The following FAT4 variants were observed in gnomAD, a reference collection of about 807,000 sequenced individuals.
FAT4 encodes protocadherin Fat 4.
A neutral mutation model predicts 303.9 loss-of-function variants in FAT4; 84 were observed. That is an observed-to-expected ratio of 0.28 (90% confidence interval 0.23 to 0.33). The LOEUF (loss-of-function observed/expected upper bound fraction) is 0.33. FAT4 is among the 10% of genes least tolerant of loss of function. The probability of loss-of-function intolerance (pLI) is 1.00; values close to 1 mark genes in which losing one functional copy is unlikely to be tolerated. For missense variants in FAT4, 6,005 were observed against 6,146.8 expected (o/e 0.98, Z 0.77); for synonymous variants, 2,307 against 2,298.8 (o/e 1.00, Z -0.10).
Position 125,452,659 on chromosome 4 carries a change from G to C in FAT4, c.11649G>C (p.Val3883=). 6.2e-7 allele frequency: 1 copy of C among 1,614,076 alleles called. No individual in the cohort carries two copies. Among genetic ancestry groups the C allele is most frequent in the Non-Finnish European group, 8.5e-7 (1 of 1,180,004 alleles). ...CHSGGTCHNL[V]GGFSCSCPDG... Reference sequence around the variant, plus strand: ...GTGGTGGAACCTGTCACAATTTAGTGGGAGGATTTTCATGCAGCTGCCCAG... The same window carrying C: ...GTGGTGGAACCTGTCACAATTTAGTCGGAGGATTTTCATGCAGCTGCCCAG... Residue 3883 remains valine (V), a synonymous_variant, in exon 10 of 18, where the codon GTG becomes GTC. Transcript: ENST00000394329.
chr4:125,489,215 T>C (rs1335416436), intron 17 of FAT4, among the ~76,000 whole-genome samples: 1 of 152,214 alleles, frequency 6.6e-6, no homozygotes, highest in Non-Finnish European at 1.5e-5. Flanking sequence ...GAGATAGGAA[T>C]ATCAGCACTG....
At chr4:125,357,408 G>T (rs1369521525) in intron 2 of FAT4, among the ~76,000 whole-genome samples, 1 of 152,078 alleles carries the variant, frequency 6.6e-6, no homozygotes, top group African/African-American at 2.4e-5. Context: ...TAAGATTTGG[G>T]ATAGATTTAT....
intron 2 of FAT4, among the ~76,000 whole-genome samples, chr4:125,346,147 A>G (rs932294728): frequency 2.6e-4 from 39 of 152,076 alleles, no homozygotes; most frequent in Admixed American, 2.5e-3. Context: ...TGATGTTTCT[A>G]TGGTCACGGT....
Position 125,316,426 on chromosome 4 carries a change from A to C in FAT4, c.15A>C (p.Pro5=). The change falls in exon 2 of 18, where the codon CCA becomes CCC. Residue 5 remains proline, a synonymous_variant. Transcript: ENST00000394329. The surrounding 1 kb of genome is among the most constrained non-coding windows in gnomAD (Gnocchi z 5.7). MDLA[P]DRATGRPWLP... ...GAGCCAGGACCATGGACTTAGCACC[A>C]GACAGGGCTACTGGCCGCCCGTGGC... The C allele has an allele frequency of 6.2e-7, 1 of 1,611,320 alleles. No homozygotes were observed. The highest frequency in any genetic ancestry group is 8.5e-7 in the Non-Finnish European group (1 of 1,178,270).
chr4:125,398,643 G>A (rs1041538860), intron 2 of FAT4, 141 bp from the exon 3 acceptor site: 5 of 741,884 alleles, frequency 6.7e-6, no homozygotes, highest in African/African-American at 3.5e-5. Flanking sequence ...CCTAGGGGTA[G>A]TTTCTGTTGT....
intron 5 of FAT4, among the ~76,000 whole-genome samples, chr4:125,411,896 T>C (rs2126024142): frequency 6.6e-6 from 1 of 151,400 alleles, no homozygotes; most frequent in African/African-American, 2.4e-5. Context: ...AAACCATATG[T>C]ATGCAATAAA....
At chr4:125,457,644 T>C (rs1055783526) in intron 10 of FAT4, among the ~76,000 whole-genome samples, 1 of 152,020 alleles carries the variant, frequency 6.6e-6, no homozygotes, top group Non-Finnish European at 1.5e-5. Context: ...AATATCACCA[T>C]ATGAAGCTTT....
At chr4:125,459,133 T>A (rs1283018467) in intron 10 of FAT4, among the ~76,000 whole-genome samples, 1 of 151,940 alleles carries the variant, frequency 6.6e-6, no homozygotes. Flanking sequence ...AAAATAATAT[T>A]TATGGTAGTC....
At chr4:125,344,683 CACCCTGATGAAAAA>C (rs765186558) in intron 2 of FAT4, among the ~76,000 whole-genome samples, 72 of 152,122 alleles carry the variant, frequency 4.7e-4, no homozygotes, top group Non-Finnish European at 7.9e-4. Flanking sequence ...TGGTCAAGAA[CACCCTGATGAAAAA>C]AATCTTTGGT....
chr4:125,359,503 A>T (rs1732568965), intron 2 of FAT4, among the ~76,000 whole-genome samples: 1 of 152,206 alleles, frequency 6.6e-6, no homozygotes, highest in East Asian at 1.9e-4. Context: ...GCTGTGATTT[A>T]TAATACTGTT....
At position 125,491,580 on chromosome 4, in the gene FAT4, A is replaced by C. The variant is rs767274118; in HGVS notation, c.14764A>C (p.Lys4922Gln). 1.9e-6 allele frequency: 3 copies of C among 1,614,068 alleles called. No individual in the cohort carries two copies. The highest frequency in any genetic ancestry group is 2.2e-5 in the South Asian group (2 of 91,090). Residue 4922 changes from lysine to glutamine, a missense_variant, in exon 18 of 18, where the codon AAG becomes CAG. Coordinates refer to ENST00000394329, the MANE Select transcript of FAT4 (RefSeq NM_001291303.3). ...PGTADNTLPMKLGQQAGTFNW... is the reference protein window; with the variant it reads ...PGTADNTLPMQLGQQAGTFNW... Reference sequence around the variant, plus strand: ...CACTGCTGACAACACACTGCCCATGAAGCTAGGGCAGCAAGCAGGGACTTT... The same window carrying C: ...CACTGCTGACAACACACTGCCCATGCAGCTAGGGCAGCAAGCAGGGACTTT...
At position 125,407,006 on chromosome 4, in the gene FAT4, C is replaced by A; in HGVS notation, c.5434C>A (p.Leu1812Met). Residue 1812 changes from leucine to methionine, a missense_variant, in exon 4 of 18, where the codon CTG (leucine) becomes ATG (methionine). Physicochemically the swap from Leu to Met is conservative, Grantham distance 15 (BLOSUM62 2). Transcript: ENST00000394329. ...LDRERRSKYSLLVRADDGLQS... is the reference protein window; with the variant it reads ...LDRERRSKYSMLVRADDGLQS... ...CAGGGAACGCCGCTCCAAATATTCA[C>A]TGCTAGTTCGTGCTGATGATGGTCT... is the stretch of plus-strand genomic sequence containing the variant. 3 of 1,613,866 alleles carry A rather than the reference C, an allele frequency of 1.9e-6. No individual in the cohort carries two copies. Among genetic ancestry groups the A allele is most frequent in the Non-Finnish European group, 2.5e-6 (3 of 1,179,888 alleles).
intron 17 of FAT4, 115 bp downstream of exon 17, chr4:125,487,721 T>C: frequency 1.0e-6 from 1 of 977,086 alleles, no homozygotes; most frequent in East Asian, 2.9e-5. Flanking sequence ...TACAGAACAA[T>C]TTCATTCAAT....
At chr4:125,350,408 T>G (rs2125977360) in intron 2 of FAT4, among the ~76,000 whole-genome samples, 1 of 151,972 alleles carries the variant, frequency 6.6e-6, no homozygotes, top group African/African-American at 2.4e-5. Flanking sequence ...CCTACTTCAC[T>G]TAATCTTTTC....
intron 2 of FAT4, among the ~76,000 whole-genome samples, chr4:125,376,292 A>G (rs1403842648): frequency 6.6e-6 from 1 of 152,200 alleles, no homozygotes; most frequent in East Asian, 1.9e-4. Flanking sequence ...GGTCTTTACA[A>G]TATTTAAATT....
intron 7 of FAT4, among the ~76,000 whole-genome samples, chr4:125,428,904 T>C (rs1578632762): frequency 6.6e-6 from 1 of 152,302 alleles, no homozygotes; most frequent in East Asian, 1.9e-4. Flanking sequence ...CTGTCCTCTA[T>C]CAGGAGCCCG....
Position 125,398,947 on chromosome 4 carries a change from C to T in FAT4, c.5307+32C>T, listed in dbSNP as rs375600826. On this transcript the variant is annotated intron_variant, in intron 3 of 17. Coordinates refer to ENST00000394329, the MANE Select transcript of FAT4 (RefSeq NM_001291303.3). ...CAAGCATGTCTCTGAATTTGTGAAA[C>T]TTCGTAGTGCAGTGATTTATCAAAT... 6.8e-6 allele frequency: 11 copies of T among 1,607,672 alleles called. 1 individual carries two copies. Among genetic ancestry groups the T allele is most frequent in the Non-Finnish European group, 9.4e-6 (11 of 1,175,118 alleles).
chr4:125,376,370 A>G lies in FAT4; in HGVS notation c.5176-22414A>G, dbSNP rs532213453. ...ACCTCTGTTGATGCTATTTGAAAAA[A>G]CTATTTGAACAATGAGAACACTTGG... On this transcript the variant is annotated intron_variant, in intron 2 of 17. Coordinates refer to ENST00000394329, the MANE Select transcript of FAT4 (RefSeq NM_001291303.3). Among the ~76,000 whole-genome samples the G allele has an allele frequency of 3.9e-5, 6 of 152,198 alleles. No individual in the cohort carries two copies. The South Asian group carries it at 1.0e-3, about 26-fold the overall frequency.
At chr4:125,375,542 G>A (rs1733280103) in intron 2 of FAT4, among the ~76,000 whole-genome samples, 1 of 152,172 alleles carries the variant, frequency 6.6e-6, no homozygotes, top group African/African-American at 2.4e-5. Context: ...CTGGAAATAT[G>A]CATTTTGAAA....
Sources: gnomAD v4.1 joint callset for allele counts (sites outside exome capture counted in the v4.1 genomes callset) on GRCh38, gnomAD v4.1.1 for gene constraint, Gnocchi (gnomAD v3.1) non-coding constraint, MANE v1.5 for transcripts, NCBI Gene and HGNC (gene_info 2026-07-23, HGNC 2026-07-21) for gene names.